Variants in ATP8A2 observed in about 807,000 individuals in gnomAD.
The protein encoded by ATP8A2 is phospholipid-transporting ATPase IB.
ATP8A2 carries 100 observed loss-of-function variants against 165.6 expected under a neutral mutation model. That is an observed-to-expected ratio of 0.60 (90% confidence interval 0.51 to 0.71). The LOEUF (loss-of-function observed/expected upper bound fraction) is 0.71, where lower values mean the gene tolerates loss of function less well. Among genes scored for constraint, ATP8A2 ranks in the 30% least tolerant of loss-of-function variants. ATP8A2 has a pLI of 0.00. For missense variants in ATP8A2, 1,227 were observed against 1,479.5 expected (o/e 0.83, Z 2.80); for synonymous variants, 543 against 548.8 (o/e 0.99, Z 0.15).
chr13:25,941,567 C>T (rs139033520), intron 33 of ATP8A2, among the ~76,000 whole-genome samples: 1 of 152,292 alleles, frequency 6.6e-6, no homozygotes, highest in Non-Finnish European at 1.5e-5. Context: ...TGACTCTGCT[C>T]TGCCCTAGAA....
rs146279041 is a variant in ATP8A2, at chr13:25,579,875, C to G, written c.1935C>G (p.Val645=). The G allele has an allele frequency of 2.0e-4, 330 of 1,614,028 alleles. 2 individuals are homozygous for G. In the East Asian group the frequency reaches 6.6e-3, roughly 32 times the overall value. Residue 645 remains valine, a synonymous_variant, in exon 22 of 37, where the codon GTC becomes GTG. Transcript: ENST00000381655. The part of the protein sequence containing the change: ...SENEYEEWLK[V]YQEASTILKD... ...ATGAGTATGAGGAGTGGCTGAAAGT[C>G]TATCAGGAAGCCAGCACCATATTGA...
intron 24 of ATP8A2, among the ~76,000 whole-genome samples, chr13:25,674,052 C>T (rs2042320587): frequency 6.6e-6 from 1 of 152,208 alleles, no homozygotes; most frequent in African/African-American, 2.4e-5. Context: ...ACCATGGCTA[C>T]ATCCTGCCAT....
chr13:25,415,649 C>A (rs748571311), intron 1 of ATP8A2, among the ~76,000 whole-genome samples: 18 of 152,158 alleles, frequency 1.2e-4, no homozygotes, highest in Non-Finnish European at 1.0e-4. Flanking sequence ...GACTTGCACA[C>A]GCGCACACTG....
chr13:25,821,582 C>T (rs1195944671), intron 27 of ATP8A2, among the ~76,000 whole-genome samples: 1 of 152,192 alleles, frequency 6.6e-6, no homozygotes, highest in Non-Finnish European at 1.5e-5. Flanking sequence ...TTCATGCAAC[C>T]AGCCACATGT....
intron 23 of ATP8A2, among the ~76,000 whole-genome samples, chr13:25,586,945 A>G (rs2039937959): frequency 1.3e-5 from 2 of 152,142 alleles, no homozygotes; most frequent in Admixed American, 1.3e-4. Context: ...GGTTTCTTTG[A>G]ATGTTGATTA....
At chr13:25,965,564 A>G (rs1008067970) in intron 34 of ATP8A2, among the ~76,000 whole-genome samples, 3 of 152,250 alleles carry the variant, frequency 2.0e-5, no homozygotes, top group African/African-American at 7.2e-5. Flanking sequence ...CATGAAGTTT[A>G]AATTGCCCAG....
At chr13:25,947,446 G>A (rs1477807401) in intron 33 of ATP8A2, among the ~76,000 whole-genome samples, 2 of 152,144 alleles carry the variant, frequency 1.3e-5, no homozygotes, top group Non-Finnish European at 2.9e-5. Context: ...CCGCTGTGGG[G>A]TGGGAGAAGT....
intron 27 of ATP8A2, among the ~76,000 whole-genome samples, chr13:25,825,739 G>A (rs1951298628): frequency 6.6e-6 from 1 of 152,084 alleles, no homozygotes; most frequent in African/African-American, 2.4e-5. Context: ...AGAGAGTGGG[G>A]TTGAAATTGT....
chr13:25,407,728 T>G (rs1289603953), intron 1 of ATP8A2, among the ~76,000 whole-genome samples: 1 of 152,180 alleles, frequency 6.6e-6, no homozygotes, highest in African/African-American at 2.4e-5. Flanking sequence ...GGATTAAAAC[T>G]GAAGAGGATA....
chr13:25,589,347 C>T lies in ATP8A2; in HGVS notation c.2147-288C>T, dbSNP rs368082219. ...CTGAAGTGTTCACTGTTACTTTAGA[C>T]GATCCAAGGCTTATCTTAATGTTAT... On this transcript the variant is annotated intron_variant, in intron 23 of 36. Coordinates refer to ENST00000381655, the MANE Select transcript of ATP8A2 (RefSeq NM_016529.6). Among the ~76,000 whole-genome samples, 65 of 152,162 alleles carry T rather than the reference C, an allele frequency of 4.3e-4. 1 individual carries two copies. Among genetic ancestry groups the T allele is most frequent in the African/African-American group, 1.3e-3 (52 of 41,518 alleles).
At chr13:25,737,980 A>G (rs1010531198) in intron 25 of ATP8A2, among the ~76,000 whole-genome samples, 7 of 152,208 alleles carry the variant, frequency 4.6e-5, no homozygotes, top group South Asian at 4.1e-4. Flanking sequence ...CATCACACCC[A>G]GCCAAACTAT....
rs370490352 is a variant in ATP8A2 at position 25,744,641 on chromosome 13, C to T, written c.2385-24405C>T. On this transcript the variant is annotated intron_variant, in intron 25 of 36. Transcript: ENST00000381655. ...CAAGATGGTGTTATTGATCCTAGCC[C>T]AGCTGTGTCCTTATTATGAGATGTT... 1.4e-4 allele frequency among the ~76,000 whole-genome samples: 22 copies of T among 152,232 alleles called. 1 individual carries two copies. In the South Asian group the frequency reaches 3.3e-3, roughly 23 times the overall value.
chr13:25,983,402 CT>C (rs2139263031), intron 35 of ATP8A2, among the ~76,000 whole-genome samples: 1 of 152,264 alleles, frequency 6.6e-6, no homozygotes, highest in East Asian at 1.9e-4. Context: ...CATAATGCAC[CT>C]GGTTTTGTCT....
At position 26,024,046 on chromosome 13, in the gene ATP8A2, A is replaced by C. The variant is rs1957122852; in HGVS notation, c.*4061A>C. ...ATATATAATCACAATGGGAACAGTT[A>C]AAACCCCCTCCCTTCAAAAAAAGAA... On this transcript the variant is annotated 3_prime_UTR_variant, in exon 37 of 37. Coordinates refer to ENST00000381655, the MANE Select transcript of ATP8A2 (RefSeq NM_016529.6). 6.6e-6 allele frequency: 1 copy of C among 152,214 alleles called. No individual in the cohort carries two copies. The highest frequency in any genetic ancestry group is 2.4e-5 in the African/African-American group (1 of 41,464). 9.4% of individuals were successfully genotyped at this position (152,214 alleles called of 1,614,324 possible).
chr13:25,904,767 T>C (rs972665028), intron 33 of ATP8A2, among the ~76,000 whole-genome samples: 7 of 152,174 alleles, frequency 4.6e-5, no homozygotes, highest in South Asian at 2.1e-4. Flanking sequence ...TCCTACACCA[T>C]TGGAGTTCCT....
At chr13:25,883,767 T>TGCTG (rs1593500541) in intron 33 of ATP8A2, among the ~76,000 whole-genome samples, 1 of 152,170 alleles carries the variant, frequency 6.6e-6, no homozygotes, top group East Asian at 1.9e-4. Flanking sequence ...AGAGAAAACC[T>TGCTG]CACCACCTCC....
chr13:25,986,734 T>C (rs968998132), intron 35 of ATP8A2, among the ~76,000 whole-genome samples: 41 of 152,342 alleles, frequency 2.7e-4, no homozygotes, highest in Non-Finnish European at 1.5e-4. Context: ...GGGACTAGGA[T>C]TGCTGAGTCA....
In ATP8A2 at chr13:25,792,187, G is replaced by A. The variant is rs76244189; in HGVS notation, c.2679+17228G>A. ...AAAAACTTCATGTAAACAATGTACC[G>A]ATATCAGACTCTGGTTATGATCTGT... On this transcript the variant is annotated intron_variant, in intron 27 of 36. Transcript: ENST00000381655. Among the ~76,000 whole-genome samples, 532 of 152,222 alleles carry A rather than the reference G, an allele frequency of 3.5e-3. 4 individuals carry two copies. The highest frequency in any genetic ancestry group is 9.0e-3 in the African/African-American group (373 of 41,546).
At chr13:25,996,300 G>A (rs940510466) in intron 35 of ATP8A2, among the ~76,000 whole-genome samples, 2 of 152,068 alleles carry the variant, frequency 1.3e-5, no homozygotes, top group African/African-American at 4.8e-5. Flanking sequence ...GCATATGTCT[G>A]CCATTTTACC....
Sources: gnomAD v4.1 joint callset for allele counts (sites outside exome capture counted in the v4.1 genomes callset) on GRCh38, gnomAD v4.1.1 for gene constraint, MANE v1.5 for transcripts, NCBI Gene and HGNC (gene_info 2026-07-23, HGNC 2026-07-21) for gene names.